Variants in HSF2BP observed in about 807,000 individuals in gnomAD.
HSF2BP encodes the protein heat shock transcription factor 2 binding protein.
Under a neutral mutation model 35.0 loss-of-function variants are expected in HSF2BP, and 35 were observed. The observed-to-expected ratio is 1.00, with a 90% CI of 0.76 to 1.32. The LOEUF is 1.32. Ranked by LOEUF, HSF2BP falls within the 40% of genes most tolerant of loss-of-function variation. The pLI, the probability that HSF2BP is intolerant of heterozygous loss-of-function variation, is 0.00. For missense variants in HSF2BP, 326 were observed against 321.7 expected (o/e 1.01, Z -0.10); for synonymous variants, 114 against 117.4 (o/e 0.97, Z 0.18).
chr21:43,600,884 T>A (rs1443148713), intron 7 of HSF2BP, among the ~76,000 whole-genome samples: 2 of 152,214 alleles, frequency 1.3e-5, no homozygotes, highest in African/African-American at 2.4e-5. Context: ...ACTTTAGGTA[T>A]GGAATCTTTT....
At chr21:43,586,140 C>T (rs746315896) in intron 8 of HSF2BP, among the ~76,000 whole-genome samples, 3 of 152,192 alleles carry the variant, frequency 2.0e-5, no homozygotes, top group African/African-American at 4.8e-5. Flanking sequence ...TTAACAGTTA[C>T]GTAACATGTG....
intron 3 of HSF2BP, among the ~76,000 whole-genome samples, chr21:43,644,730 T>C (rs918366853): frequency 6.6e-6 from 1 of 152,216 alleles, no homozygotes; most frequent in Non-Finnish European, 1.5e-5. Flanking sequence ...GACTGTCTCA[T>C]GGCACAGACT....
intron 8 of HSF2BP, among the ~76,000 whole-genome samples, chr21:43,577,791 T>C (rs2081662603): frequency 6.6e-6 from 1 of 152,212 alleles, no homozygotes; most frequent in African/African-American, 2.4e-5. Context: ...ATTCCACCAT[T>C]GTGATCTGTT....
Position 43,633,408 on chromosome 21 carries a change from A to C in HSF2BP, c.305T>G (p.Leu102Arg). The change falls in exon 5 of 9, where the codon CTT becomes CGT. Residue 102 changes from leucine to arginine, a missense_variant. Leu to Arg is a moderately radical substitution (Grantham distance 102). Transcript: ENST00000291560. ...CTTCGCTTCATTCAACTGCTGTCGA[A>C]GAGCCAGTTTCTCCTAAAAGCAAAA... ...NIREKKEKLA[L>R]RQQLNEAKQQ... 1 of 1,609,880 alleles carries C rather than the reference A, an allele frequency of 6.2e-7. No individual in the cohort carries two copies. Among genetic ancestry groups the C allele is most frequent in the Non-Finnish European group, 8.5e-7 (1 of 1,178,894 alleles).
intron 3 of HSF2BP, among the ~76,000 whole-genome samples, chr21:43,648,050 T>C (rs887344106): frequency 2.0e-5 from 3 of 151,974 alleles, no homozygotes; most frequent in African/African-American, 7.3e-5. Flanking sequence ...ATATATGACA[T>C]GAACAGCAGA....
intron 6 of HSF2BP, among the ~76,000 whole-genome samples, chr21:43,629,466 G>A (rs974698816): frequency 9.2e-5 from 14 of 152,230 alleles, no homozygotes; most frequent in African/African-American, 3.1e-4. Context: ...TTGGGAGGCT[G>A]AGGCAGGAGA....
intron 3 of HSF2BP, among the ~76,000 whole-genome samples, chr21:43,650,179 A>AT (rs1052570250): frequency 5.9e-5 from 9 of 152,124 alleles, no homozygotes; most frequent in African/African-American, 2.2e-4. Context: ...GTTTTCATCT[A>AT]TTTTACATCT....
rs372267277 is a variant in HSF2BP at position 43,633,265 on chromosome 21, T to C, written c.441+7A>G. Reference sequence around the variant, plus strand: ...CAATATCTGGAGAGCCCACTGACCATACTTACTCCTCCCAAAATGGCCTTG... The same window carrying C: ...CAATATCTGGAGAGCCCACTGACCACACTTACTCCTCCCAAAATGGCCTTG... On this transcript the variant is annotated splice_region_variant and intron_variant, in intron 5 of 8. Transcript: ENST00000291560. 7 of 1,610,920 alleles carry C rather than the reference T, an allele frequency of 4.3e-6. No individual in the cohort carries two copies. Among genetic ancestry groups the C allele is most frequent in the South Asian group, 1.1e-5 (1 of 90,190 alleles).
At chr21:43,579,012 A>G (rs1361753708) in intron 8 of HSF2BP, among the ~76,000 whole-genome samples, 2 of 152,258 alleles carry the variant, frequency 1.3e-5, no homozygotes, top group Non-Finnish European at 2.9e-5. Context: ...CACAAATGGT[A>G]TATTTGTATC....
At chr21:43,613,998 A>G (rs765916476) in intron 6 of HSF2BP, 51 bp from the exon 7 acceptor site, 3 of 1,329,330 alleles carry the variant, frequency 2.3e-6, no homozygotes, top group African/African-American at 2.9e-5. Context: ...CTCAGAACCT[A>G]GACAATTTTG....
intron 3 of HSF2BP, 25 bp downstream of exon 3, chr21:43,656,562 A>G (rs2838341): frequency 0.58 from 928,094 of 1,597,108 alleles, 273,374 homozygotes; most frequent in East Asian, 0.78. Flanking sequence ...GTTACCACCA[A>G]TGACTGCTGA....
chr21:43,647,940 A>C (rs3788069), intron 3 of HSF2BP, among the ~76,000 whole-genome samples: 95,973 of 145,974 alleles, frequency 0.66, 31,827 homozygotes, highest in East Asian at 0.78. Flanking sequence ...AAAAAAAAAA[A>C]AAAAAAAAAA....
At chr21:43,622,115 T>A (rs2082338053) in intron 6 of HSF2BP, among the ~76,000 whole-genome samples, 1 of 152,186 alleles carries the variant, frequency 6.6e-6, no homozygotes, top group African/African-American at 2.4e-5. Context: ...AAATAACCTG[T>A]TATATCTAAA....
At chr21:43,649,733 TGAA>T (rs1457000583) in intron 3 of HSF2BP, among the ~76,000 whole-genome samples, 1 of 152,244 alleles carries the variant, frequency 6.6e-6, no homozygotes, top group African/African-American at 2.4e-5. Context: ...GCATAATGCA[TGAA>T]AAGTGTTTTC....
intron 6 of HSF2BP, among the ~76,000 whole-genome samples, chr21:43,628,757 A>G (rs1370951664): frequency 1.3e-5 from 2 of 152,234 alleles, no homozygotes; most frequent in Non-Finnish European, 2.9e-5. Context: ...CAAAGCATCA[A>G]AAGACAGGCT....
At chr21:43,589,958 T>C (rs2081905573) in intron 8 of HSF2BP, among the ~76,000 whole-genome samples, 1 of 152,184 alleles carries the variant, frequency 6.6e-6, no homozygotes, top group African/African-American at 2.4e-5. Context: ...TAGAAAACCT[T>C]TGTGACACTG....
chr21:43,605,042 C>CCA (rs1243574646), intron 7 of HSF2BP, among the ~76,000 whole-genome samples: 4 of 144,278 alleles, frequency 2.8e-5, no homozygotes, highest in Non-Finnish European at 4.6e-5. Flanking sequence ...CACATACCCA[C>CCA]CACACACACA....
chr21:43,599,612 G>T (rs1601643677), intron 7 of HSF2BP, among the ~76,000 whole-genome samples: 1 of 152,092 alleles, frequency 6.6e-6, no homozygotes, highest in Non-Finnish European at 1.5e-5. Flanking sequence ...TGGCCAACAT[G>T]GTGAAACCTC....
the HSF2BP span, among the ~76,000 whole-genome samples, chr21:43,459,441 T>TAGTC: frequency 5.5e-5 from 5 of 90,492 alleles, 2 homozygotes; most frequent in East Asian, 2.5e-3. Flanking sequence ...TGGTCCTGAG[T>TAGTC]AGTCCCCTTC....
Sources: allele counts gnomAD v4.1 joint callset (sites outside exome capture counted in the v4.1 genomes callset), GRCh38; gene constraint gnomAD v4.1.1; transcripts MANE v1.5; gene names NCBI Gene and HGNC (gene_info 2026-07-23, HGNC 2026-07-21).